The following SGCD variants were observed in gnomAD, a reference collection of about 807,000 sequenced individuals.
The protein encoded by SGCD is sarcoglycan delta.
A neutral mutation model predicts 36.6 loss-of-function variants in SGCD; 18 were observed. The observed-to-expected ratio is 0.49, with a 90% confidence interval of 0.34 to 0.73. The LOEUF (loss-of-function observed/expected upper bound fraction) is 0.73, where lower values mean the gene tolerates loss of function less well. Ranked by LOEUF, SGCD falls within the 30% of genes least tolerant of loss-of-function variation. The pLI is 0.01. For missense variants in SGCD, 387 were observed against 346.7 expected (o/e 1.12, Z -0.92); for synonymous variants, 133 against 130.6 (o/e 1.02, Z -0.12).
chr5:156,651,859 G>T (rs776642054), intron 7 of SGCD, among the ~76,000 whole-genome samples: 1 of 151,816 alleles, frequency 6.6e-6, no homozygotes, highest in Admixed American at 6.6e-5. Flanking sequence ...ATTACATTGG[G>T]CAGTAAGACC....
At chr5:156,736,730 A>T (rs1250508358) in intron 7 of SGCD, among the ~76,000 whole-genome samples, 1 of 152,202 alleles carries the variant, frequency 6.6e-6, no homozygotes, top group Non-Finnish European at 1.5e-5. Flanking sequence ...ACTGCATAGG[A>T]TGTATTGAGA....
At chr5:156,119,616 G>A (rs771541592) in intron 2 of SGCD, among the ~76,000 whole-genome samples, 1 of 151,980 alleles carries the variant, frequency 6.6e-6, no homozygotes, top group Non-Finnish European at 1.5e-5. Context: ...AGATACATTT[G>A]GATCCATAGT....
chr5:156,717,044 G>T (rs1021696129), intron 7 of SGCD, among the ~76,000 whole-genome samples: 1 of 152,212 alleles, frequency 6.6e-6, no homozygotes, highest in Non-Finnish European at 1.5e-5. Flanking sequence ...TTCTCCTCAT[G>T]TGTGAAATTA....
At chr5:155,734,037 A>T in the SGCD span, among the ~76,000 whole-genome samples, 65 of 149,450 alleles carry the variant, frequency 4.3e-4, no homozygotes, top group Admixed American at 4.2e-3. Context: ...GTTCACACAG[A>T]TTCTCTCTTT....
At chr5:156,079,336 A>G (rs1198495299) in intron 1 of SGCD, among the ~76,000 whole-genome samples, 1 of 152,154 alleles carries the variant, frequency 6.6e-6, no homozygotes, top group African/African-American at 2.4e-5. Context: ...GGGACATATA[A>G]TCAAACCATA....
intron 2 of SGCD, among the ~76,000 whole-genome samples, chr5:156,331,524 A>G (rs1768066486): frequency 6.6e-6 from 1 of 152,210 alleles, no homozygotes. Context: ...CACCTATTAG[A>G]GCAAGCACAA....
intron 5 of SGCD, among the ~76,000 whole-genome samples, chr5:156,593,031 A>G (rs1408055573): frequency 1.3e-5 from 2 of 152,148 alleles, no homozygotes; most frequent in Non-Finnish European, 2.9e-5. Flanking sequence ...ACAGCACTTT[A>G]CCACCCATAG....
intron 3 of SGCD, among the ~76,000 whole-genome samples, chr5:156,174,579 C>T (rs902101804): frequency 1.3e-5 from 2 of 152,202 alleles, no homozygotes; most frequent in African/African-American, 4.8e-5. Flanking sequence ...GAGCAAAGTA[C>T]AGAGATGAGA....
At chr5:156,342,798 C>A (rs183339741) in intron 2 of SGCD, among the ~76,000 whole-genome samples, 2 of 152,210 alleles carry the variant, frequency 1.3e-5, no homozygotes, top group East Asian at 3.9e-4. Context: ...TAGCTTAAAC[C>A]TTTACATACC....
intron 3 of SGCD, among the ~76,000 whole-genome samples, chr5:156,367,970 A>G (rs1019269593): frequency 4.6e-5 from 7 of 152,140 alleles, no homozygotes; most frequent in African/African-American, 4.8e-5. Flanking sequence ...CATTTTCAAT[A>G]TATTTTTTAA....
chr5:155,903,229 TTCTC>T (rs1479612034), intron 1 of SGCD, among the ~76,000 whole-genome samples: 1 of 152,196 alleles, frequency 6.6e-6, no homozygotes, highest in Non-Finnish European at 1.5e-5. Context: ...CGTTTTCTTT[TTCTC>T]TCTCTAATTT....
intron 1 of SGCD, among the ~76,000 whole-genome samples, chr5:156,092,972 T>C (rs1347162949): frequency 2.6e-5 from 4 of 152,212 alleles, no homozygotes; most frequent in Admixed American, 6.5e-5. Context: ...GGAAATTGAT[T>C]AGCTTGTTCC....
intron 3 of SGCD, among the ~76,000 whole-genome samples, chr5:156,304,855 G>T (rs1337955667): frequency 6.6e-6 from 1 of 152,160 alleles, no homozygotes; most frequent in Non-Finnish European, 1.5e-5. Context: ...GAGCAAAGAT[G>T]ACTCTTGTTA....
At chr5:155,740,206 C>T in the SGCD span, among the ~76,000 whole-genome samples, 1 of 152,198 alleles carries the variant, frequency 6.6e-6, no homozygotes, top group Admixed American at 6.5e-5. Flanking sequence ...TTAAGTGATC[C>T]TCCTGCCTCA....
At chr5:156,100,368 G>A (rs1232586759) in intron 1 of SGCD, among the ~76,000 whole-genome samples, 2 of 152,022 alleles carry the variant, frequency 1.3e-5, no homozygotes, top group Non-Finnish European at 2.9e-5. Context: ...GGGAATCCTG[G>A]GAATGTCCAA....
At chr5:156,622,186 G>A (rs184232236) in intron 6 of SGCD, among the ~76,000 whole-genome samples, 89 of 152,156 alleles carry the variant, frequency 5.8e-4, no homozygotes, top group Admixed American at 2.9e-3. Flanking sequence ...TAATCCCAAC[G>A]CTTGGAGAGA....
At chr5:156,315,267 T>TA (rs999690618) in intron 3 of SGCD, among the ~76,000 whole-genome samples, 1 of 150,522 alleles carries the variant, frequency 6.6e-6, no homozygotes, top group Non-Finnish European at 1.5e-5. Context: ...TGAGTCTGAT[T>TA]TTTTTTTTTT....
intron 1 of SGCD, among the ~76,000 whole-genome samples, chr5:155,929,309 G>A (rs1238561424): frequency 6.6e-6 from 1 of 152,112 alleles, no homozygotes; most frequent in African/African-American, 2.4e-5. Flanking sequence ...TTGAATGAGG[G>A]GATAACTGCA....
At chr5:156,119,221 A>G (rs1319725769) in intron 2 of SGCD, among the ~76,000 whole-genome samples, 1 of 152,140 alleles carries the variant, frequency 6.6e-6, no homozygotes, top group Non-Finnish European at 1.5e-5. Flanking sequence ...TTTGGATTTT[A>G]AGTTGTGTCA....
Sources: allele counts gnomAD v4.1 joint callset (sites outside exome capture counted in the v4.1 genomes callset), GRCh38; gene constraint gnomAD v4.1.1; transcripts MANE v1.5; gene names NCBI Gene and HGNC (gene_info 2026-07-23, HGNC 2026-07-21).